Variants in PRELID2 observed in about 807,000 individuals in gnomAD.
PRELID2 encodes the protein PRELI domain-containing protein 2.
Under a neutral mutation model 28.4 loss-of-function variants are expected in PRELID2, and 25 were observed. That is an observed-to-expected ratio of 0.88 (90% CI 0.64 to 1.23). PRELID2 has a LOEUF of 1.23. Ranked by LOEUF, PRELID2 falls within the 50% of genes most tolerant of loss-of-function variation. PRELID2 has a pLI of 0.00. For synonymous variants in PRELID2, 76 were observed against 71.6 expected (o/e 1.06, Z -0.31); for missense variants, 201 against 214.4 (o/e 0.94, Z 0.39).
chr5:145,807,916 G>T (rs1032735506), intron 4 of PRELID2, among the ~76,000 whole-genome samples: 2 of 152,138 alleles, frequency 1.3e-5, no homozygotes, highest in African/African-American at 4.8e-5. Context: ...AAAAACAGAG[G>T]AGACTCTGAT....
chr5:145,266,383 A>G, the PRELID2 span, among the ~76,000 whole-genome samples: 2 of 151,932 alleles, frequency 1.3e-5, no homozygotes, highest in African/African-American at 4.8e-5. Context: ...GGCTAAGGAC[A>G]TGAATAGACA....
At chr5:145,807,261 C>A (rs976926246) in intron 4 of PRELID2, among the ~76,000 whole-genome samples, 1 of 152,162 alleles carries the variant, frequency 6.6e-6, no homozygotes, top group African/African-American at 2.4e-5. Context: ...GACTGTATCT[C>A]AAAAGCTCCT....
At chr5:145,493,474 T>C (rs1580957527) in intron 1 of PRELID2, among the ~76,000 whole-genome samples, 1 of 152,186 alleles carries the variant, frequency 6.6e-6, no homozygotes, top group Admixed American at 6.6e-5. Context: ...GTCATTCTCT[T>C]GCCTAAAATT....
At chr5:145,255,808 C>G in the PRELID2 span, among the ~76,000 whole-genome samples, 1 of 149,716 alleles carries the variant, frequency 6.7e-6, no homozygotes, top group Non-Finnish European at 1.5e-5. Context: ...GTTATTAAAA[C>G]TTAAACACAG....
chr5:145,674,361 C>G (rs1284335452), intron 1 of PRELID2, among the ~76,000 whole-genome samples: 4 of 150,746 alleles, frequency 2.7e-5, no homozygotes, highest in African/African-American at 9.8e-5. Flanking sequence ...CACCGTGTGT[C>G]CAAGTGTAAA....
chr5:145,458,751 G>A, the PRELID2 span, among the ~76,000 whole-genome samples: 1 of 152,088 alleles, frequency 6.6e-6, no homozygotes, highest in Non-Finnish European at 1.5e-5. Flanking sequence ...GGTTATCAAT[G>A]ATTTGATTTA....
At chr5:145,420,178 T>C in the PRELID2 span, among the ~76,000 whole-genome samples, 1 of 152,256 alleles carries the variant, frequency 6.6e-6, no homozygotes, top group South Asian at 2.1e-4. Flanking sequence ...GCCTCCAGCT[T>C]TGTTCTTTTG....
chr5:145,670,278 T>C (rs1209825030), intron 1 of PRELID2, among the ~76,000 whole-genome samples: 1 of 150,830 alleles, frequency 6.6e-6, no homozygotes, highest in Non-Finnish European at 1.5e-5. Context: ...GGGAGGAGAG[T>C]GCCAGGCTCT....
chr5:145,302,160 C>G, the PRELID2 span, among the ~76,000 whole-genome samples: 1 of 150,164 alleles, frequency 6.7e-6, no homozygotes, highest in African/African-American at 2.4e-5. Flanking sequence ...TCAAATTTTT[C>G]TTTCTTTCTT....
intron 1 of PRELID2, among the ~76,000 whole-genome samples, chr5:145,678,764 T>C (rs1754872206): frequency 6.6e-6 from 1 of 152,140 alleles, no homozygotes; most frequent in Non-Finnish European, 1.5e-5. Context: ...ATCTGCAAAC[T>C]GGGGGGTCGA....
chr5:145,656,893 AAG>A (rs1284117204), intron 1 of PRELID2, among the ~76,000 whole-genome samples: 1 of 152,156 alleles, frequency 6.6e-6, no homozygotes, highest in Non-Finnish European at 1.5e-5. Context: ...CTAGAACTTA[AAG>A]TATGATAAAA....
intron 1 of PRELID2, among the ~76,000 whole-genome samples, chr5:145,619,671 C>T (rs1242679258): frequency 6.6e-6 from 1 of 152,206 alleles, no homozygotes; most frequent in African/African-American, 2.4e-5. Context: ...GAGCCTCCCC[C>T]TGCTGCTCTG....
At chr5:145,501,264 T>G (rs958559392) in intron 1 of PRELID2, among the ~76,000 whole-genome samples, 2 of 152,174 alleles carry the variant, frequency 1.3e-5, no homozygotes, top group African/African-American at 4.8e-5. Context: ...CCAGACTACT[T>G]GCAACAGTAT....
At chr5:145,507,722 A>C (rs1293025459) in intron 1 of PRELID2, among the ~76,000 whole-genome samples, 1 of 152,058 alleles carries the variant, frequency 6.6e-6, no homozygotes, top group Admixed American at 6.6e-5. Context: ...AGCCGACAAG[A>C]CTGTCTCCAC....
intron 1 of PRELID2, among the ~76,000 whole-genome samples, chr5:145,482,458 TATA>T (rs1387506439): frequency 6.6e-6 from 1 of 152,156 alleles, no homozygotes; most frequent in Non-Finnish European, 1.5e-5. Context: ...GGATACATGA[TATA>T]ATAATAACAA....
chr5:145,474,287 G>C (rs560314909), intron 1 of PRELID2, among the ~76,000 whole-genome samples: 1 of 152,316 alleles, frequency 6.6e-6, no homozygotes, highest in East Asian at 1.9e-4. Context: ...ACTCCTTACA[G>C]TGTTCTCATG....
the PRELID2 span, among the ~76,000 whole-genome samples, chr5:145,345,655 G>A: frequency 1.3e-5 from 2 of 151,848 alleles, no homozygotes; most frequent in Non-Finnish European, 2.9e-5. Context: ...CATATAAACA[G>A]ACTGCAATAT....
intron 5 of PRELID2, among the ~76,000 whole-genome samples, chr5:145,781,675 CTT>C (rs1491411525): frequency 2.3e-3 from 326 of 144,624 alleles, no homozygotes; most frequent in South Asian, 0.013. Context: ...TATATATACA[CTT>C]ATATATATAC....
At chr5:145,722,009 T>C (rs1317238170) in intron 1 of PRELID2, among the ~76,000 whole-genome samples, 1 of 152,130 alleles carries the variant, frequency 6.6e-6, no homozygotes, top group African/African-American at 2.4e-5. Context: ...AAAAATAGAC[T>C]TTAGTATCCT....
Sources: allele counts gnomAD v4.1 joint callset (sites outside exome capture counted in the v4.1 genomes callset), GRCh38; gene constraint gnomAD v4.1.1; transcripts MANE v1.5; gene names NCBI Gene and HGNC (gene_info 2026-07-23, HGNC 2026-07-21).